Variants in SPMIP9 observed in about 807,000 individuals in gnomAD.
The protein encoded by SPMIP9 is protein SPMIP9.
the SPMIP9 span, among the ~76,000 whole-genome samples, chr2:88,525,380 C>T: frequency 2.0e-5 from 3 of 152,198 alleles, no homozygotes; most frequent in African/African-American, 7.2e-5. Flanking sequence ...AAACAGTAAA[C>T]CTGATCAGTA....
At chr2:88,526,588 G>T in the SPMIP9 span, 1 of 990,938 alleles carries the variant, frequency 1.0e-6, no homozygotes, top group Non-Finnish European at 1.6e-6. Context: ...GGACATTTGG[G>T]CCCTTGTTAG....
chr2:88,528,729 A>G, the SPMIP9 span, among the ~76,000 whole-genome samples: 1 of 152,234 alleles, frequency 6.6e-6, no homozygotes, highest in African/African-American at 2.4e-5. Context: ...ATTTCTGTAC[A>G]AACCAAGGGA....
the SPMIP9 span, chr2:88,529,139 G>T: frequency 1.9e-6 from 3 of 1,614,166 alleles, no homozygotes; most frequent in Non-Finnish European, 2.5e-6. Flanking sequence ...TGGGTACCCT[G>T]CTTTCAAAAG....
chr2:88,524,901 C>G, the SPMIP9 span: 1 of 152,282 alleles, frequency 6.6e-6, no homozygotes, highest in African/African-American at 2.4e-5. Flanking sequence ...CAGTGGAGTA[C>G]CCCTTAAGGA....
chr2:88,525,714 T>G, the SPMIP9 span: 7 of 1,611,658 alleles, frequency 4.3e-6, no homozygotes, highest in Non-Finnish European at 5.9e-6. Context: ...GTCTCAGGGT[T>G]GGGTAGCCTC....
the SPMIP9 span, chr2:88,525,712 G>A: frequency 1.9e-6 from 3 of 1,613,280 alleles, no homozygotes; most frequent in Non-Finnish European, 1.7e-6. Context: ...CGGTCTCAGG[G>A]TTGGGTAGCC....
chr2:88,527,184 T>C, the SPMIP9 span, among the ~76,000 whole-genome samples: 1 of 152,058 alleles, frequency 6.6e-6, no homozygotes, highest in Non-Finnish European at 1.5e-5. Context: ...CATTCCCTTG[T>C]AGGCCAGGCA....
the SPMIP9 span, among the ~76,000 whole-genome samples, chr2:88,525,338 C>T: frequency 6.6e-6 from 1 of 152,244 alleles, no homozygotes; most frequent in African/African-American, 2.4e-5. Context: ...TTTACCAGCA[C>T]TTCACTTGCC....
the SPMIP9 span, chr2:88,526,489 C>G: frequency 6.2e-7 from 1 of 1,613,834 alleles, no homozygotes; most frequent in Non-Finnish European, 8.5e-7. Context: ...CAGGGTCACG[C>G]CGCAAGAGGT....
chr2:88,529,207 T>C, the SPMIP9 span: 8 of 1,614,160 alleles, frequency 5.0e-6, no homozygotes, highest in South Asian at 8.8e-5. Flanking sequence ...CACAGGAACA[T>C]GAGGCCACGA....
chr2:88,525,528 T>C, the SPMIP9 span: 1 of 1,155,094 alleles, frequency 8.7e-7, no homozygotes, highest in Non-Finnish European at 1.3e-6. Flanking sequence ...TGGGGAGGAG[T>C]GGGCTAAGAA....
the SPMIP9 span, among the ~76,000 whole-genome samples, chr2:88,525,358 G>A: frequency 6.6e-6 from 1 of 152,190 alleles, no homozygotes; most frequent in Non-Finnish European, 1.5e-5. Context: ...CCTAGGATCA[G>A]CTATACCTCT....
chr2:88,525,485 G>A, the SPMIP9 span: 1 of 801,706 alleles, frequency 1.2e-6, no homozygotes, highest in Middle Eastern at 3.0e-4. Context: ...CCTTGATGAT[G>A]GAGTGACATG....
chr2:88,525,888 T>G, the SPMIP9 span, among the ~76,000 whole-genome samples: 1 of 151,628 alleles, frequency 6.6e-6, no homozygotes, highest in Admixed American at 6.6e-5. Flanking sequence ...CAGCATGCAC[T>G]TATTAGGCAC....
the SPMIP9 span, among the ~76,000 whole-genome samples, chr2:88,528,427 C>T: frequency 1.3e-5 from 2 of 152,196 alleles, no homozygotes; most frequent in Non-Finnish European, 2.9e-5. Flanking sequence ...CGTAAGCCAC[C>T]ACACCTGGCC....
chr2:88,529,496 A>G, the SPMIP9 span: 14 of 1,592,216 alleles, frequency 8.8e-6, no homozygotes, highest in South Asian at 1.4e-4. Flanking sequence ...ATACCTTCCA[A>G]AGGCTCTTCC....
the SPMIP9 span, among the ~76,000 whole-genome samples, chr2:88,528,138 C>CT: frequency 0.012 from 1,688 of 135,480 alleles, 24 homozygotes; most frequent in African/African-American, 0.029. Context: ...AGCATTTTCC[C>CT]TTTTTTTTTT....
At chr2:88,526,457 C>T in the SPMIP9 span, 1 of 1,614,078 alleles carries the variant, frequency 6.2e-7, no homozygotes, top group Non-Finnish European at 8.5e-7. Context: ...GACTATCAGC[C>T]CTACAGGAAG....
At chr2:88,529,099 C>A in the SPMIP9 span, 1 of 1,614,090 alleles carries the variant, frequency 6.2e-7, no homozygotes, top group Non-Finnish European at 8.5e-7. Flanking sequence ...TTTACAGGCC[C>A]ATCCCTAACC....
Sources: allele counts gnomAD v4.1 joint callset (sites outside exome capture counted in the v4.1 genomes callset), GRCh38; gene constraint gnomAD v4.1.1; transcripts MANE v1.5; gene names NCBI Gene and HGNC (gene_info 2026-07-23, HGNC 2026-07-21).